The following LMAN1 variants were observed in gnomAD, a reference collection of about 807,000 sequenced individuals.
The protein encoded by LMAN1 is lectin, mannose binding 1, also known as protein ERGIC-53.
Under a neutral mutation model 67.8 loss-of-function variants are expected in LMAN1, and 32 were observed. That is an observed-to-expected ratio of 0.47 (90% CI 0.36 to 0.63). The LOEUF (loss-of-function observed/expected upper bound fraction) is 0.63, where lower values mean the gene tolerates loss of function less well. Ranked by LOEUF, LMAN1 falls within the 30% of genes least tolerant of loss-of-function variation. The pLI is 0.00. For missense variants in LMAN1, 632 were observed against 628.2 expected (o/e 1.01, Z -0.06); for synonymous variants, 235 against 219.3 (o/e 1.07, Z -0.63).
At chr18:59,357,693 A>G (rs1449292569) in intron 1 of LMAN1, among the ~76,000 whole-genome samples, 1 of 152,170 alleles carries the variant, frequency 6.6e-6, no homozygotes, top group African/African-American at 2.4e-5. Context: ...ATTACACATT[A>G]ATTTGAGAGA....
intron 6 of LMAN1, among the ~76,000 whole-genome samples, chr18:59,348,291 T>C (rs17769312): frequency 0.056 from 8,590 of 152,306 alleles, 310 homozygotes; most frequent in Middle Eastern, 0.13. Context: ...TCTAGAGATG[T>C]AGACAGATTA....
In LMAN1 at chr18:59,331,502, G is replaced by A. The variant is rs770116653; in HGVS notation, c.1412C>T (p.Pro471Leu). The change falls in exon 12 of 13, where the codon CCA becomes CTA. Residue 471 changes from proline (P) to leucine (L), a missense_variant. Transcript: ENST00000251047. ...GACCGTAGACAAACATGATGGAAAT[G>A]GTGGTAGTTCTGGGCATTTCGGCTT... The part of the protein sequence containing the change: ...NEKPKCPELP[P>L]FPSCLSTVHF... 149 of 1,612,484 alleles carry A rather than the reference G, an allele frequency of 9.2e-5. No individual in the cohort carries two copies. Among genetic ancestry groups the A allele is most frequent in the Non-Finnish European group, 1.2e-4 (145 of 1,178,830 alleles).
chr18:59,347,636 G>A, intron 6 of LMAN1, 65 bp from the exon 7 acceptor site: 3 of 1,075,724 alleles, frequency 2.8e-6, no homozygotes, highest in East Asian at 2.6e-5. Flanking sequence ...CATTGTAAAT[G>A]TATTTTATCA....
Position 59,330,895 on chromosome 18 carries a change from C to T in LMAN1, c.*198G>A. On this transcript the variant is annotated 3_prime_UTR_variant, in exon 13 of 13. Coordinates refer to ENST00000251047, the MANE Select transcript of LMAN1 (RefSeq NM_005570.4). ...GACCAGAAATTCACTGAAATTTAGACAGATTTACATACTGTGAACAAATTA... is the reference window on the plus strand; with the variant it reads ...GACCAGAAATTCACTGAAATTTAGATAGATTTACATACTGTGAACAAATTA... 2 of 573,468 alleles carry T rather than the reference C, an allele frequency of 3.5e-6. No individual in the cohort carries two copies. Among genetic ancestry groups the T allele is most frequent in the South Asian group, 2.4e-5 (1 of 42,366 alleles). The allele number at this position is 573,468 out of a possible 1,614,324, so 35.5% of individuals were successfully genotyped here. A position where few individuals can be genotyped will look rare whatever the true frequency, so the allele number is the denominator to read the frequency against.
At chr18:59,344,989 C>A (rs78944609) in intron 8 of LMAN1, among the ~76,000 whole-genome samples, 4,333 of 152,130 alleles carry the variant, frequency 0.028, 180 homozygotes, top group African/African-American at 0.087. Context: ...GTGTACTGAT[C>A]GGGGTGATGG....
intron 8 of LMAN1, among the ~76,000 whole-genome samples, chr18:59,344,760 A>G (rs939970650): frequency 2.0e-5 from 3 of 152,318 alleles, no homozygotes; most frequent in South Asian, 2.1e-4. Flanking sequence ...ACACAAGCAT[A>G]TAAGAAATCT....
Position 59,346,209 on chromosome 18 carries a change from C to CTTT in LMAN1, c.823-161_823-159dup, listed in dbSNP as rs370183077. On this transcript the variant is annotated intron_variant, in intron 7 of 12. Transcript: ENST00000251047. ...TTTACTTAAACGATAGCAAATTACT[C>CTTT]TTTTTTTTTTTTTTTTTTTTTTTTT... 6.7e-3 allele frequency among the ~76,000 whole-genome samples: 410 copies of CTTT among 61,610 alleles called. 29 individuals are homozygous for CTTT. The highest frequency in any genetic ancestry group is 0.015 in the Middle Eastern group (1 of 68). 40.4% of individuals were successfully genotyped at this position (61,610 alleles called of 152,430 possible). A position where few individuals can be genotyped will look rare whatever the true frequency, so the allele number is the denominator to read the frequency against.
intron 10 of LMAN1, chr18:59,333,453 A>T: frequency 5.8e-6 from 3 of 517,876 alleles, no homozygotes; most frequent in Non-Finnish European, 1.0e-5. Context: ...ACTAAAGGTC[A>T]TCTAAAAATA....
At position 59,330,799 on chromosome 18, in the gene LMAN1, T is replaced by C. The variant is rs530769416; in HGVS notation, c.*294A>G. ...TTGGAGACTTAGGGGGTAACATTCA[T>C]ATCCAGGGGTTGCCCCCACTTTATT... On this transcript the variant is annotated 3_prime_UTR_variant, in exon 13 of 13. Coordinates refer to ENST00000251047, the MANE Select transcript of LMAN1 (RefSeq NM_005570.4). The C allele has an allele frequency of 1.3e-5, 5 of 374,042 alleles. No homozygotes were observed. The Admixed American group carries it at 2.2e-4, about 16-fold the overall frequency. 23.2% of individuals were successfully genotyped at this position (374,042 alleles called of 1,614,324 possible).
chr18:59,339,023 A>T (rs1908229634), intron 8 of LMAN1, 70 bp from the exon 9 acceptor site: 1 of 1,382,604 alleles, frequency 7.2e-7, no homozygotes, highest in African/African-American at 1.4e-5. Context: ...AACGTAAGTG[A>T]CCAAAGTGCC....
chr18:59,350,635 C>G (rs1908522550), intron 5 of LMAN1, among the ~76,000 whole-genome samples: 1 of 152,054 alleles, frequency 6.6e-6, no homozygotes, highest in Admixed American at 6.5e-5. Context: ...GCGGAGACTA[C>G]AGGCTCCCGC....
At chr18:59,345,841 AAC>A in intron 8 of LMAN1, 76 bp downstream of exon 8, 4 of 1,541,354 alleles carry the variant, frequency 2.6e-6, no homozygotes, top group Non-Finnish European at 2.7e-6. Flanking sequence ...TGAGCTAGGC[AAC>A]ACAGAGACTC....
intron 11 of LMAN1, among the ~76,000 whole-genome samples, chr18:59,331,856 T>C (rs2070749632): frequency 6.6e-6 from 1 of 152,138 alleles, no homozygotes; most frequent in Non-Finnish European, 1.5e-5. Context: ...CTCCTCTGGA[T>C]ACTCCCAGTT....
chr18:59,331,315 A>G, intron 12 of LMAN1, 103 bp downstream of exon 12: 2 of 1,247,526 alleles, frequency 1.6e-6, no homozygotes, highest in Admixed American at 1.9e-5. Context: ...ACTTAATTTT[A>G]TAGGTGGTGA....
At position 59,359,201 on chromosome 18, in the gene LMAN1, G is replaced by T; in HGVS notation, c.44C>A (p.Pro15Gln). The change falls in exon 1 of 13, where the codon CCG becomes CAG. Residue 15 changes from proline to glutamine, a missense_variant. Physicochemically the swap from Pro to Gln is moderately conservative, Grantham distance 76. Coordinates refer to ENST00000251047, the MANE Select transcript of LMAN1 (RefSeq NM_005570.4). ...RQRGLRARVR[P>Q]LFCALLLSLG... Reference sequence around the variant, plus strand: ...TGACAGCAGCAAGGCGCAGAACAGCGGCCGAACTCTGGCCCGGAGACCCCT... The same window carrying T: ...TGACAGCAGCAAGGCGCAGAACAGCTGCCGAACTCTGGCCCGGAGACCCCT... 2 of 1,613,988 alleles carry T rather than the reference G, an allele frequency of 1.2e-6. No individual in the cohort carries two copies. The highest frequency in any genetic ancestry group is 1.7e-6 in the Non-Finnish European group (2 of 1,179,914).
intron 10 of LMAN1, among the ~76,000 whole-genome samples, chr18:59,336,482 G>C (rs41494147): frequency 0.024 from 3,623 of 152,328 alleles, 114 homozygotes; most frequent in African/African-American, 0.071. Context: ...GTATCCATGA[G>C]TCTGAACTGA....
intron 8 of LMAN1, among the ~76,000 whole-genome samples, chr18:59,340,020 G>T (rs1254815079): frequency 6.6e-6 from 1 of 152,094 alleles, no homozygotes; most frequent in Admixed American, 6.5e-5. Context: ...CCCTGCAATG[G>T]GCTCTTGTGA....
Position 59,345,940 on chromosome 18 carries a change from G to A in LMAN1, c.934C>T (p.Pro312Ser). Residue 312 changes from proline to serine, a missense_variant, in exon 8 of 13, where the codon CCC becomes TCC. By Grantham distance (74) the Pro-to-Ser change is moderately conservative. Coordinates refer to ENST00000251047, the MANE Select transcript of LMAN1 (RefSeq NM_005570.4). ...TCACCAGGCTGCCCTTGGAGGTCGG[G>A]GTGGCCCTTCTGGAATTCCTCTTTT... ...KKKEEFQKGH[P>S]DLQGQPAEEI... The A allele has an allele frequency of 1.2e-6, 2 of 1,613,952 alleles. No individual in the cohort carries two copies. The highest frequency in any genetic ancestry group is 1.7e-6 in the Non-Finnish European group (2 of 1,180,016).
Position 59,331,033 on chromosome 18 carries a change from AT to A in LMAN1, c.*59del. ...ACTATGAAGCAATTTAAATACTTAAATTCCCTCAAAACGACATCATTTTGTA... is the reference window on the plus strand; with the variant it reads ...ACTATGAAGCAATTTAAATACTTAAATCCCTCAAAACGACATCATTTTGTA... On this transcript the variant is annotated 3_prime_UTR_variant, in exon 13 of 13. Transcript: ENST00000251047. 1 of 1,152,374 alleles carries A rather than the reference AT, an allele frequency of 8.7e-7. No individual in the cohort carries two copies. The highest frequency in any genetic ancestry group is 1.3e-5 in the South Asian group (1 of 75,796). The allele number at this position is 1,152,374 out of a possible 1,614,324, so 71.4% of individuals were successfully genotyped here.
Sources: gnomAD v4.1 joint callset for allele counts (sites outside exome capture counted in the v4.1 genomes callset) on GRCh38, gnomAD v4.1.1 for gene constraint, MANE v1.5 for transcripts, NCBI Gene and HGNC (gene_info 2026-07-23, HGNC 2026-07-21) for gene names.